SYNE2: variants seen among roughly 807,000 people sequenced by gnomAD.
SYNE2 encodes the protein spectrin repeat containing nuclear envelope protein 2.
In SYNE2, 431 loss-of-function variants were observed where a neutral mutation model predicts 856.3. That is an observed-to-expected ratio of 0.50 (90% CI 0.47 to 0.55). The LOEUF is 0.55. Ranked by LOEUF, SYNE2 falls within the 20% of genes least tolerant of loss-of-function variation. The probability of loss-of-function intolerance (pLI) is 0.00; values close to 1 mark genes in which losing one functional copy is unlikely to be tolerated. For missense variants in SYNE2, 8,129 were observed against 8,023.2 expected, an observed-to-expected ratio of 1.01 and a Z score of -0.50; for synonymous variants, 2,923 against 2,872.3, an observed-to-expected ratio of 1.02 and a Z score of -0.56.
chr14:63,963,010 T>C (rs1365849533), intron 9 of SYNE2, among the ~76,000 whole-genome samples: 3 of 152,242 alleles, frequency 2.0e-5, no homozygotes, highest in African/African-American at 7.2e-5. Context: ...AAATGTTCGA[T>C]ATTACTTAAA....
At chr14:64,210,469 A>G (rs1286593256) in intron 103 of SYNE2, among the ~76,000 whole-genome samples, 2 of 152,186 alleles carry the variant, frequency 1.3e-5, no homozygotes, top group African/African-American at 2.4e-5. Context: ...GGCCCCTGGA[A>G]GGAGCCCCGC....
At chr14:64,208,083 CA>C in intron 100 of SYNE2, 3 of 455,938 alleles carry the variant, frequency 6.6e-6, no homozygotes, top group Non-Finnish European at 1.3e-5. Flanking sequence ...TTATTTTTCC[CA>C]AATTGGGGAA....
At chr14:63,949,779 G>C in intron 6 of SYNE2, 46 bp from the exon 7 acceptor site, 1 of 1,610,542 alleles carries the variant, frequency 6.2e-7, no homozygotes, top group Non-Finnish European at 8.5e-7. Context: ...CCCAATGCTG[G>C]TAACTTATGC....
chr14:64,117,418 G>T (rs1474092744), intron 66 of SYNE2, among the ~76,000 whole-genome samples: 1 of 152,056 alleles, frequency 6.6e-6, no homozygotes, highest in East Asian at 1.9e-4. Context: ...TCCTGCCCCA[G>T]TCTCCGGAAT....
intron 1 of SYNE2, among the ~76,000 whole-genome samples, chr14:63,826,018 C>T (rs1889416393): frequency 6.6e-6 from 1 of 152,166 alleles, no homozygotes; most frequent in Non-Finnish European, 1.5e-5. Flanking sequence ...CCTCAGCTGC[C>T]ATTTTTAAAG....
chr14:63,898,777 C>G (rs1412888119), intron 1 of SYNE2, among the ~76,000 whole-genome samples: 2 of 152,098 alleles, frequency 1.3e-5, no homozygotes, highest in African/African-American at 4.8e-5. Flanking sequence ...GAGGAAATTA[C>G]TTTTTTCTAC....
intron 45 of SYNE2, among the ~76,000 whole-genome samples, chr14:64,040,366 A>G (rs992115160): frequency 3.3e-5 from 5 of 152,054 alleles, no homozygotes; most frequent in African/African-American, 1.2e-4. Flanking sequence ...AATTGAAATC[A>G]TAAGGAAAGA....
intron 2 of SYNE2, among the ~76,000 whole-genome samples, chr14:63,940,070 ATTTTTTTT>A (rs10666086): frequency 3.9e-5 from 5 of 129,400 alleles, no homozygotes; most frequent in African/African-American, 1.2e-4. Context: ...GTCTCAGTTC[ATTTTTTTT>A]TTTTTTTTTT....
intron 2 of SYNE2, among the ~76,000 whole-genome samples, chr14:63,938,636 T>G (rs559122371): frequency 6.6e-6 from 1 of 151,124 alleles, no homozygotes; most frequent in African/African-American, 2.4e-5. Context: ...AGGGAGGAAA[T>G]AGTGGTACGA....
At chr14:63,975,276 TTAA>T (rs1271652660) in intron 11 of SYNE2, among the ~76,000 whole-genome samples, 5 of 152,132 alleles carry the variant, frequency 3.3e-5, no homozygotes, top group Non-Finnish European at 1.5e-5. Flanking sequence ...TTTGATATCT[TTAA>T]TGTGTTTCTT....
chr14:64,201,429 C>T (rs1388403988), intron 99 of SYNE2, among the ~76,000 whole-genome samples: 5 of 152,156 alleles, frequency 3.3e-5, no homozygotes, highest in South Asian at 2.1e-4. Flanking sequence ...GTGAGTGCGG[C>T]GGAAACTGGC....
At chr14:64,212,400 T>C (rs2098646182) in intron 104 of SYNE2, among the ~76,000 whole-genome samples, 1 of 152,158 alleles carries the variant, frequency 6.6e-6, no homozygotes, top group Admixed American at 6.5e-5. Flanking sequence ...TTGGAAGAGG[T>C]TGAGAAATGG....
At chr14:64,225,075 G>A (rs374767238) in intron 115 of SYNE2, 30 bp downstream of exon 115, 107 of 1,610,142 alleles carry the variant, frequency 6.6e-5, no homozygotes, top group South Asian at 1.5e-4. Flanking sequence ...ACAGCAGTGC[G>A]TTCCCCTGCT....
chr14:64,140,381 G>C (rs1423159471), intron 80 of SYNE2, among the ~76,000 whole-genome samples: 1 of 152,108 alleles, frequency 6.6e-6, no homozygotes, highest in South Asian at 2.1e-4. Flanking sequence ...TCGGGATTTC[G>C]ATACCAGCCT....
rs1186087235 is a variant in SYNE2, at chr14:63,773,245, G to T, written c.-305+11259G>T. On this transcript the variant is annotated intron_variant, in intron 1 of 23. Transcript: ENST00000674003. ...GACAGGGTCTCACTCTGTCACCCAGGCTGGAATGCAGTGGCTCAATCACGG... is the reference window on the plus strand; with the variant it reads ...GACAGGGTCTCACTCTGTCACCCAGTCTGGAATGCAGTGGCTCAATCACGG... Among the ~76,000 whole-genome samples, 3 of 151,774 alleles carry T rather than the reference G, an allele frequency of 2.0e-5. No homozygotes were observed. The East Asian group carries it at 5.8e-4, about 29-fold the overall frequency.
At chr14:64,043,206 A>C (rs2097161523) in intron 45 of SYNE2, among the ~76,000 whole-genome samples, 2 of 152,190 alleles carry the variant, frequency 1.3e-5, no homozygotes, top group Admixed American at 1.3e-4. Context: ...CTAAGCAACA[A>C]AGCATTCAAG....
At chr14:64,222,484 C>T (rs960804373) in intron 112 of SYNE2, among the ~76,000 whole-genome samples, 1 of 152,140 alleles carries the variant, frequency 6.6e-6, no homozygotes, top group East Asian at 1.9e-4. Context: ...ACGGGCGGAT[C>T]GCCTGAGGTC....
chr14:64,064,109 T>C (rs1354399213), intron 50 of SYNE2, among the ~76,000 whole-genome samples: 1 of 151,988 alleles, frequency 6.6e-6, no homozygotes, highest in Non-Finnish European at 1.5e-5. Flanking sequence ...GCCTGGGTGA[T>C]GAAATGAAGT....
chr14:64,008,267 G>A (rs2096815273), intron 31 of SYNE2, among the ~76,000 whole-genome samples: 1 of 152,198 alleles, frequency 6.6e-6, no homozygotes. Context: ...AATCTCTGTA[G>A]TTTAAGATCC....
Sources: allele counts gnomAD v4.1 joint callset (sites outside exome capture counted in the v4.1 genomes callset), GRCh38; gene constraint gnomAD v4.1.1; transcripts MANE v1.5; gene names NCBI Gene and HGNC (gene_info 2026-07-23, HGNC 2026-07-21).